Variants in PLBD1 observed in about 807,000 individuals in gnomAD.
PLBD1 encodes phospholipase B domain containing 1.
In PLBD1, 60 loss-of-function variants were observed where a neutral mutation model predicts 63.0. The observed-to-expected ratio is 0.95, with a 90% CI of 0.77 to 1.18. PLBD1 has a LOEUF of 1.18. Among genes scored for constraint, PLBD1 ranks in the 50% most tolerant of loss-of-function variants. PLBD1 has a pLI of 0.00. For synonymous variants in PLBD1, 262 were observed against 248.0 expected, an observed-to-expected ratio of 1.06 and a Z score of -0.53; for missense variants, 598 against 677.9, an observed-to-expected ratio of 0.88 and a Z score of 1.31.
chr12:14,503,872 C>T lies in PLBD1; in HGVS notation c.1562G>A (p.Arg521His), dbSNP rs769808942. ...PTVQGGLPVFRWDRFNKTLHQ... is the reference protein window; with the variant it reads ...PTVQGGLPVFHWDRFNKTLHQ... ...TAGAGTTTTGTTGAAACGGTCCCAG[C>T]GAAAAACAGGGAGGCCACCTTGTAC... is the stretch of plus-strand genomic sequence containing the variant. The change falls in exon 11 of 11, where the codon CGC (arginine) becomes CAC (histidine). Residue 521 changes from arginine (R) to histidine (H), a missense_variant. Coordinates refer to ENST00000240617, the MANE Select transcript of PLBD1 (RefSeq NM_024829.6). 87 of 1,613,670 alleles carry T rather than the reference C, an allele frequency of 5.4e-5. No individual in the cohort carries two copies. In the Middle Eastern group the frequency reaches 1.5e-3, roughly 27 times the overall value.
intron 6 of PLBD1, among the ~76,000 whole-genome samples, chr12:14,518,473 C>T (rs1945352091): frequency 6.6e-6 from 1 of 152,156 alleles, no homozygotes; most frequent in Admixed American, 6.5e-5. Context: ...GCTTACAATT[C>T]CTGAACATCT....
rs143188383 is a variant in PLBD1, at chr12:14,553,903, A to C, written c.116-491T>G. Reference sequence around the variant, plus strand: ...GAAGGGGACACCCGCCTAGCCAGCCAGATCAGCCAAATCAACCCTGGTGGT... The same window carrying C: ...GAAGGGGACACCCGCCTAGCCAGCCCGATCAGCCAAATCAACCCTGGTGGT... On this transcript the variant is annotated intron_variant, in intron 1 of 10. Coordinates refer to ENST00000240617, the MANE Select transcript of PLBD1 (RefSeq NM_024829.6). The C allele has an allele frequency of 1.7e-3, 283 of 169,770 alleles. 4 individuals are homozygous for C. In the South Asian group the frequency reaches 0.017, roughly 10 times the overall value. 10.5% of individuals were successfully genotyped at this position (169,770 alleles called of 1,614,324 possible). A position where few individuals can be genotyped will look rare whatever the true frequency, so the allele number is the denominator to read the frequency against.
chr12:14,527,127 A>T (rs551477384), intron 6 of PLBD1, among the ~76,000 whole-genome samples: 2 of 152,308 alleles, frequency 1.3e-5, no homozygotes, highest in Non-Finnish European at 2.9e-5. Flanking sequence ...CTACCGTATA[A>T]ATTTTAAGAT....
intron 6 of PLBD1, among the ~76,000 whole-genome samples, chr12:14,531,778 G>A (rs190818741): frequency 2.6e-5 from 4 of 152,234 alleles, no homozygotes; most frequent in African/African-American, 9.6e-5. Context: ...TTACAGGCAT[G>A]AGCTACCAAC....
At chr12:14,506,300 A>G in intron 9 of PLBD1, 32 bp from the exon 10 acceptor site, 1 of 1,480,736 alleles carries the variant, frequency 6.8e-7, no homozygotes, top group Non-Finnish European at 9.4e-7. Flanking sequence ...GAGAGTGATT[A>G]TTGGCTATTT....
At chr12:14,528,872 G>C (rs1484379536) in intron 6 of PLBD1, among the ~76,000 whole-genome samples, 3 of 151,950 alleles carry the variant, frequency 2.0e-5, no homozygotes, top group Admixed American at 6.6e-5. Context: ...TTAGAAAGAA[G>C]GGATAAATTC....
intron 2 of PLBD1, among the ~76,000 whole-genome samples, chr12:14,551,402 T>TAAAAAA: frequency 6.6e-6 from 1 of 152,198 alleles, no homozygotes; most frequent in Non-Finnish European, 1.5e-5. Flanking sequence ...GAAGTATTTT[T>TAAAAAA]AAAAAGTTAT....
In PLBD1 at chr12:14,543,536, G is replaced by C. The variant is rs148405021; in HGVS notation, c.336-1245C>G. Among the ~76,000 whole-genome samples the C allele has an allele frequency of 8.5e-5, 13 of 152,190 alleles. No individual in the cohort carries two copies. In the East Asian group the frequency reaches 2.5e-3, roughly 29 times the overall value. On this transcript the variant is annotated intron_variant, in intron 2 of 10. Transcript: ENST00000240617. ...GTTTGAGAACAGCCTGGCCAACATGGTGAAACCCCGTCTCTACTAAAAATA... is the reference window on the plus strand; with the variant it reads ...GTTTGAGAACAGCCTGGCCAACATGCTGAAACCCCGTCTCTACTAAAAATA...
chr12:14,513,627 T>C (rs907774609), intron 6 of PLBD1, among the ~76,000 whole-genome samples: 4 of 152,190 alleles, frequency 2.6e-5, no homozygotes, highest in Non-Finnish European at 4.4e-5. Flanking sequence ...AATTTGACAG[T>C]TCTTATTTTG....
intron 6 of PLBD1, among the ~76,000 whole-genome samples, chr12:14,526,570 T>G (rs1364444952): frequency 6.6e-6 from 1 of 152,216 alleles, no homozygotes; most frequent in Non-Finnish European, 1.5e-5. Flanking sequence ...GAGGTGGAAC[T>G]TAAAACCAGT....
Position 14,542,288 on chromosome 12 carries a change from G to T in PLBD1, c.339C>A (p.His113Gln). ...GFLEGYLTAPHMNDHYTNLYP... is the reference protein window; with the variant it reads ...GFLEGYLTAPQMNDHYTNLYP... ...AGAGGTTTGTGTAGTGGTCATTCAT[G>T]TGTCTGAAATGATACATGAAAATTA... The change falls in exon 3 of 11, where the codon CAC (histidine) becomes CAA (glutamine). Residue 113 changes from histidine to glutamine, a missense_variant. Coordinates refer to ENST00000240617, the MANE Select transcript of PLBD1 (RefSeq NM_024829.6). 1 of 1,598,834 alleles carries T rather than the reference G, an allele frequency of 6.3e-7. No homozygotes were observed.
intron 6 of PLBD1, among the ~76,000 whole-genome samples, chr12:14,513,831 G>C (rs1945318401): frequency 6.6e-6 from 1 of 150,802 alleles, no homozygotes; most frequent in South Asian, 2.1e-4. Context: ...CCAGGCTGGA[G>C]TGCAGTGGCG....
intron 10 of PLBD1, 76 bp from the exon 11 acceptor site, chr12:14,504,030 C>G: frequency 7.5e-7 from 1 of 1,341,346 alleles, no homozygotes; most frequent in Non-Finnish European, 1.0e-6. Flanking sequence ...CTTCCCCACT[C>G]TCCCACTACC....
At chr12:14,542,351 A>G in intron 2 of PLBD1, 60 bp from the exon 3 acceptor site, 1 of 1,324,724 alleles carries the variant, frequency 7.5e-7, no homozygotes, top group Non-Finnish European at 1.1e-6. Flanking sequence ...TCTCCATCAC[A>G]GTAAATTATT....
intron 1 of PLBD1, among the ~76,000 whole-genome samples, chr12:14,563,445 G>A (rs1384962707): frequency 6.6e-6 from 1 of 152,126 alleles, no homozygotes; most frequent in Non-Finnish European, 1.5e-5. Context: ...TTGAACCTGG[G>A]AGGCGGAGGT....
chr12:14,509,767 C>G (rs1211233157), intron 8 of PLBD1, among the ~76,000 whole-genome samples: 1 of 152,200 alleles, frequency 6.6e-6, no homozygotes, highest in Non-Finnish European at 1.5e-5. Flanking sequence ...TAACTAGTCT[C>G]TTTTCTTCCC....
rs1170087453 is a variant in PLBD1 at position 14,567,690 on chromosome 12, G to A, written c.7C>T (p.Arg3Cys). 10 of 1,456,608 alleles carry A rather than the reference G, an allele frequency of 6.9e-6. No individual in the cohort carries two copies. The highest frequency in any genetic ancestry group is 8.1e-6 in the Non-Finnish European group (9 of 1,116,130). 90.2% of individuals were successfully genotyped at this position (1,456,608 alleles called of 1,614,324 possible). A position where few individuals can be genotyped will look rare whatever the true frequency, so the allele number is the denominator to read the frequency against. Residue 3 changes from arginine to cysteine, a missense_variant, in exon 1 of 11, where the codon CGC (arginine) becomes TGC (cysteine). Physicochemically the swap from Arg to Cys is radical, Grantham distance 180. Coordinates refer to ENST00000240617, the MANE Select transcript of PLBD1 (RefSeq NM_024829.6). MT[R>C]GGPGGRPGLP... ...CCCGGGCGCCCGCCCGGACCGCCGC[G>A]GGTCATCGCTCCACGGCCGCGACCT...
Position 14,507,063 on chromosome 12 carries a change from G to C in PLBD1, c.1242C>G (p.Gly414=), listed in dbSNP as rs748716383. The C allele has an allele frequency of 7.5e-5, 121 of 1,613,658 alleles. No homozygotes were observed. The highest frequency in any genetic ancestry group is 2.0e-4 in the Admixed American group (12 of 59,996). Residue 414 remains glycine (G), a synonymous_variant, in exon 9 of 11, where the codon GGC becomes GGG. Coordinates refer to ENST00000240617, the MANE Select transcript of PLBD1 (RefSeq NM_024829.6). ...PFHEKIYNWS[G]YPLLVQKLGL... ...CCAGCTTCTGAACTAACAGTGGATA[G>C]CCACTCCAGTTGTAGATTTTTTCAT...
chr12:14,545,712 T>G (rs1945611537), intron 2 of PLBD1, among the ~76,000 whole-genome samples: 1 of 152,210 alleles, frequency 6.6e-6, no homozygotes, highest in Non-Finnish European at 1.5e-5. Context: ...CTGAAACTAA[T>G]AAACTGAGAA....
Sources: allele counts gnomAD v4.1 joint callset (sites outside exome capture counted in the v4.1 genomes callset), GRCh38; gene constraint gnomAD v4.1.1; transcripts MANE v1.5; gene names NCBI Gene and HGNC (gene_info 2026-07-23, HGNC 2026-07-21).